DIAPH2: variants seen among roughly 807,000 people sequenced by gnomAD.
DIAPH2 encodes protein diaphanous homolog 2.
In DIAPH2, 35 loss-of-function variants were observed where a neutral mutation model predicts 92.7. That is an observed-to-expected ratio of 0.38 (90% CI 0.29 to 0.50). DIAPH2 has a LOEUF of 0.50. DIAPH2 is among the 20% of genes least tolerant of loss of function. DIAPH2 has a pLI of 0.94. For missense variants in DIAPH2, 701 were observed against 819.5 expected, an observed-to-expected ratio of 0.86 and a Z score of 1.77; for synonymous variants, 301 against 280.4, an observed-to-expected ratio of 1.07 and a Z score of -0.73.
chrX:97,501,273 T>A (rs2070796197), intron 26 of DIAPH2, among the ~76,000 whole-genome samples: 1 of 111,512 alleles, frequency 9.0e-6, no homozygotes, highest in Non-Finnish European at 1.9e-5. Flanking sequence ...GAAAATCAGA[T>A]TACCTGAAAG....
chrX:97,554,053 A>C (rs1354747217), intron 26 of DIAPH2, among the ~76,000 whole-genome samples: 2 of 111,516 alleles, frequency 1.8e-5, no homozygotes, highest in Non-Finnish European at 3.8e-5. Flanking sequence ...ATACATATTC[A>C]CATTCATTTT....
At chrX:97,272,724 A>G (rs545316503) in intron 23 of DIAPH2, among the ~76,000 whole-genome samples, 1 of 112,539 alleles carries the variant, frequency 8.9e-6, no homozygotes, top group East Asian at 2.8e-4. Flanking sequence ...AAAATAATTC[A>G]AATAGACCAG....
chrX:97,469,886 A>G, intron 26 of DIAPH2: 1 of 1,018,689 alleles, frequency 9.8e-7, no homozygotes, highest in South Asian at 2.9e-5. Flanking sequence ...CTTTCTGATA[A>G]AATTTATGCT....
chrX:96,925,278 C>T (rs1304004778), intron 9 of DIAPH2, among the ~76,000 whole-genome samples: 1 of 110,747 alleles, frequency 9.0e-6, no homozygotes, highest in Non-Finnish European at 1.9e-5. Context: ...TACTCTAATC[C>T]TCTCTCCAGC....
At chrX:97,514,561 G>C (rs1352060694) in intron 26 of DIAPH2, among the ~76,000 whole-genome samples, 64 of 93,778 alleles carry the variant, frequency 6.8e-4, no homozygotes, top group Non-Finnish European at 1.0e-3. Context: ...GAGGAGCTGC[G>C]TTCCTTTGGA....
intron 4 of DIAPH2, among the ~76,000 whole-genome samples, chrX:96,873,647 TAC>T (rs3082738): frequency 0.27 from 25,551 of 95,412 alleles, 2,713 homozygotes; most frequent in East Asian, 0.34. Context: ...CGTATATATA[TAC>T]ACACACACAC....
chrX:97,416,197 T>C (rs2069944495), intron 25 of DIAPH2, among the ~76,000 whole-genome samples: 1 of 112,314 alleles, frequency 8.9e-6, no homozygotes, highest in African/African-American at 3.2e-5. Flanking sequence ...CCTTCCATCT[T>C]GTTACATCAA....
intron 21 of DIAPH2, among the ~76,000 whole-genome samples, chrX:97,139,314 A>G (rs768297607): frequency 1.6e-3 from 169 of 107,875 alleles, no homozygotes; most frequent in Non-Finnish European, 3.0e-3. Flanking sequence ...TTTCCATTAT[A>G]TTTTAATATT....
At chrX:97,411,376 C>T (rs1569389312) in intron 25 of DIAPH2, among the ~76,000 whole-genome samples, 1 of 111,987 alleles carries the variant, frequency 8.9e-6, no homozygotes, top group Non-Finnish European at 1.9e-5. Flanking sequence ...CACCACCAGC[C>T]TGCCTTACAA....
chrX:96,926,637 G>A (rs1472808351), intron 9 of DIAPH2, among the ~76,000 whole-genome samples: 2 of 111,534 alleles, frequency 1.8e-5, no homozygotes, highest in Non-Finnish European at 3.8e-5. Flanking sequence ...ATTCAGTGTA[G>A]TATATAATTA....
chrX:97,268,920 A>C (rs1232605394), intron 23 of DIAPH2, among the ~76,000 whole-genome samples: 1 of 98,606 alleles, frequency 1.0e-5, no homozygotes, highest in African/African-American at 3.9e-5. Flanking sequence ...GCAGTGGTGC[A>C]ATCTCGGCTC....
intron 1 of DIAPH2, among the ~76,000 whole-genome samples, chrX:96,726,599 G>A (rs1329060116): frequency 8.9e-6 from 1 of 112,013 alleles, no homozygotes; most frequent in African/African-American, 3.2e-5. Context: ...CTGAAAAAGA[G>A]CTGGAGCTCT....
At chrX:96,811,903 G>A (rs1203968064) in intron 4 of DIAPH2, among the ~76,000 whole-genome samples, 1 of 111,849 alleles carries the variant, frequency 8.9e-6, no homozygotes, top group East Asian at 2.8e-4. Context: ...TTTTTGATGT[G>A]CAGCTGGATT....
At chrX:96,802,367 T>C (rs181454848) in intron 4 of DIAPH2, among the ~76,000 whole-genome samples, 3 of 112,518 alleles carry the variant, frequency 2.7e-5, no homozygotes, top group African/African-American at 9.7e-5. Flanking sequence ...ATTAAAACTT[T>C]ATTTGTAAAA....
chrX:97,190,759 G>A (rs768080095), intron 22 of DIAPH2, among the ~76,000 whole-genome samples: 23 of 106,761 alleles, frequency 2.2e-4, no homozygotes, highest in African/African-American at 6.5e-4. Context: ...TCTTGAACCC[G>A]GGAGGCGGAG....
intron 5 of DIAPH2, among the ~76,000 whole-genome samples, chrX:96,888,586 TATATACAG>T (rs1409815104): frequency 1.0e-5 from 1 of 99,480 alleles, no homozygotes; most frequent in Non-Finnish European, 2.0e-5. Flanking sequence ...TATATCTATA[TATATACAG>T]ATATATATAT....
chrX:97,087,974 T>A (rs1254508340), intron 19 of DIAPH2, among the ~76,000 whole-genome samples: 2 of 111,617 alleles, frequency 1.8e-5, no homozygotes, highest in Non-Finnish European at 3.8e-5. Flanking sequence ...ACTAGACTAC[T>A]ATTGTTTTCT....
At chrX:97,200,051 G>T (rs915539142) in intron 22 of DIAPH2, among the ~76,000 whole-genome samples, 1 of 110,345 alleles carries the variant, frequency 9.1e-6, no homozygotes, top group African/African-American at 3.3e-5. Context: ...AACCCAAAGA[G>T]AGTGAGCACA....
At chrX:96,917,592 G>A (rs932936559) in intron 8 of DIAPH2, among the ~76,000 whole-genome samples, 4 of 111,141 alleles carry the variant, frequency 3.6e-5, no homozygotes, top group African/African-American at 9.8e-5. Flanking sequence ...ATGTAGTCCA[G>A]TATAACTGTT....
Sources: gnomAD v4.1 joint callset for allele counts (sites outside exome capture counted in the v4.1 genomes callset) on GRCh38, gnomAD v4.1.1 for gene constraint, MANE v1.5 for transcripts, NCBI Gene and HGNC (gene_info 2026-07-23, HGNC 2026-07-21) for gene names.